The following HYDIN variants were observed in gnomAD, a reference collection of about 807,000 sequenced individuals.
HYDIN encodes HYDIN axonemal central pair apparatus protein.
A neutral mutation model predicts 403.9 loss-of-function variants in HYDIN; 132 were observed. That is an observed-to-expected ratio of 0.33 (90% CI 0.28 to 0.38). The LOEUF is 0.38. Ranked by LOEUF, HYDIN falls within the 10% of genes least tolerant of loss-of-function variation. The pLI is 1.00. For synonymous variants in HYDIN, 1,202 were observed against 1,891.7 expected, an observed-to-expected ratio of 0.64 and a Z score of 9.46; for missense variants, 2,827 against 5,009.5, an observed-to-expected ratio of 0.56 and a Z score of 13.15.
At position 71,186,800 on chromosome 16, in the gene HYDIN, CA is replaced by C; in HGVS notation, c.95del (p.Leu32ArgfsTer11). On this transcript the variant is annotated frameshift_variant, in exon 2 of 86. Transcript: ENST00000393567. LOFTEE classifies it high-confidence loss of function. ...KGFQSKVLPP[L>X]SPKVVTEEEV... is the part of the protein sequence containing the mutation. ...CTTCTTCTGTAACCACCTTTGGACT[CA>C]GGGGTGGCAAAACCTTGCTTTGAAA... The C allele has an allele frequency of 6.2e-7, 1 of 1,613,592 alleles. No individual in the cohort carries two copies. The highest frequency in any genetic ancestry group is 8.5e-7 in the Non-Finnish European group (1 of 1,179,674).
chr16:70,951,164 G>A (rs1393991031), intron 41 of HYDIN, among the ~76,000 whole-genome samples: 1 of 151,914 alleles, frequency 6.6e-6, no homozygotes, highest in East Asian at 1.9e-4. Flanking sequence ...AAGCCCGGGA[G>A]CTCAAGGCCG....
At chr16:71,051,841 G>C (rs909611207) in intron 18 of HYDIN, among the ~76,000 whole-genome samples, 2 of 152,158 alleles carry the variant, frequency 1.3e-5, no homozygotes, top group African/African-American at 4.8e-5. Context: ...TCTACGAACA[G>C]AATTAATGAA....
intron 23 of HYDIN, among the ~76,000 whole-genome samples, chr16:70,996,129 G>T (rs2079524766): frequency 6.6e-6 from 1 of 151,650 alleles, no homozygotes; most frequent in Admixed American, 6.6e-5. Context: ...ACACTCCAAA[G>T]CTCCCCACGG....
At chr16:71,167,971 A>C (rs1233752580) in intron 5 of HYDIN, among the ~76,000 whole-genome samples, 1 of 150,944 alleles carries the variant, frequency 6.6e-6, no homozygotes, top group East Asian at 2.0e-4. Flanking sequence ...AACTAGGTGC[A>C]TTTCTTTCTC....
intron 7 of HYDIN, among the ~76,000 whole-genome samples, chr16:71,152,262 T>G (rs1265983273): frequency 6.6e-6 from 1 of 152,024 alleles, no homozygotes; most frequent in Non-Finnish European, 1.5e-5. Flanking sequence ...GGATCTTAGC[T>G]TACTCGAATG....
At chr16:70,910,141 A>T (rs1464938964) in intron 47 of HYDIN, among the ~76,000 whole-genome samples, 2 of 151,906 alleles carry the variant, frequency 1.3e-5, no homozygotes, top group African/African-American at 4.8e-5. Context: ...TGATTACATG[A>T]GTAAGTTTTC....
At chr16:71,100,592 A>G (rs997401853) in intron 10 of HYDIN, among the ~76,000 whole-genome samples, 4 of 152,232 alleles carry the variant, frequency 2.6e-5, no homozygotes, top group East Asian at 1.9e-4. Context: ...AGATGCACAA[A>G]TACATGTGAA....
chr16:70,964,265 C>G lies in HYDIN; in HGVS notation c.5788+463G>C, dbSNP rs1263516566. ...TGCCCACCCCCTGCTTTTAGGGCAC[C>G]AGTTTCTACCTTGTGTGACACATTA... On this transcript the variant is annotated intron_variant, in intron 37 of 85. Transcript: ENST00000393567. 8.2e-4 allele frequency among the ~76,000 whole-genome samples: 122 copies of G among 149,654 alleles called. 1 individual carries two copies. In the East Asian group the frequency reaches 0.025, roughly 30 times the overall value.
At chr16:70,843,042 T>TATTG (rs2037939131) in intron 75 of HYDIN, among the ~76,000 whole-genome samples, 1 of 151,018 alleles carries the variant, frequency 6.6e-6, no homozygotes, top group Admixed American at 6.6e-5. Flanking sequence ...TTTATTTATT[T>TATTG]ATTCTTTTTT....
At chr16:70,942,974 A>C (rs2077728649) in intron 42 of HYDIN, among the ~76,000 whole-genome samples, 1 of 152,098 alleles carries the variant, frequency 6.6e-6, no homozygotes, top group Non-Finnish European at 1.5e-5. Flanking sequence ...TAGCAGTGCA[A>C]ATCTTAACAT....
rs1181123135 is a variant in HYDIN, at chr16:70,807,353, G to C, written c.*227C>G. 1 of 499,002 alleles carries C rather than the reference G, an allele frequency of 2.0e-6. No homozygotes were observed. Among genetic ancestry groups the C allele is most frequent in the East Asian group, 3.4e-5 (1 of 29,340 alleles). The allele number at this position is 499,002 out of a possible 1,614,324, so 30.9% of individuals were successfully genotyped here. On this transcript the variant is annotated 3_prime_UTR_variant, in exon 86 of 86. Transcript: ENST00000393567. ...AGAAACTCAATTTAGGGACTCACAA[G>C]GATTCAGTTGTCTAAAATATAGAGC...
chr16:71,043,092 G>A lies in HYDIN; in HGVS notation c.2530-11175C>T, dbSNP rs578097246. 2.6e-5 allele frequency among the ~76,000 whole-genome samples: 4 copies of A among 151,712 alleles called. No individual in the cohort carries two copies. The East Asian group carries it at 7.7e-4, about 29-fold the overall frequency. ...GGCTAGATGATGAATTTAAGATTAG[G>A]ATTTATTTTCCTTCAGAAAGTAATT... On this transcript the variant is annotated intron_variant, in intron 18 of 85. Coordinates refer to ENST00000393567, the MANE Select transcript of HYDIN (RefSeq NM_001270974.2).
intron 55 of HYDIN, 123 bp downstream of exon 55, chr16:70,894,326 C>T: frequency 1.5e-6 from 2 of 1,376,434 alleles, no homozygotes; most frequent in Admixed American, 2.4e-5. Context: ...CGCTATTCCC[C>T]ACGGTGGACT....
At chr16:71,196,261 T>A (rs767281321) in intron 1 of HYDIN, among the ~76,000 whole-genome samples, 2 of 152,218 alleles carry the variant, frequency 1.3e-5, no homozygotes, top group Non-Finnish European at 2.9e-5. Context: ...TCTATCTAGA[T>A]GTTTCTGGAA....
intron 13 of HYDIN, among the ~76,000 whole-genome samples, chr16:71,070,312 C>T (rs567760757): frequency 3.8e-4 from 57 of 149,016 alleles, no homozygotes; most frequent in African/African-American, 1.3e-3. Flanking sequence ...TTCCTTCCTT[C>T]CTTTCTTTCT....
In HYDIN at chr16:70,938,715, A is replaced by G; in HGVS notation, c.6894T>C (p.Arg2298=). 6.2e-7 allele frequency: 1 copy of G among 1,614,158 alleles called. No homozygotes were observed. Among genetic ancestry groups the G allele is most frequent in the Non-Finnish European group, 8.5e-7 (1 of 1,180,040 alleles). Reference sequence around the variant, plus strand: ...ATTCTTCCTCATCCATGTTTTGGAGACGCTCCTTCTCTTTCTCAAGAGCTC... The same window carrying G: ...ATTCTTCCTCATCCATGTTTTGGAGGCGCTCCTTCTCTTTCTCAAGAGCTC... The part of the protein sequence containing the change: ...HKGALEKEKE[R]LQNMDEEEYD... The change falls in exon 44 of 86, where the codon CGT becomes CGC. Residue 2298 remains arginine, a synonymous_variant. Transcript: ENST00000393567.
intron 3 of HYDIN, among the ~76,000 whole-genome samples, chr16:71,182,346 G>C (rs1254628318): frequency 6.6e-6 from 1 of 152,106 alleles, no homozygotes; most frequent in Non-Finnish European, 1.5e-5. Flanking sequence ...GGGGCAGGGG[G>C]AGAACGAGAT....
chr16:70,872,608 A>G (rs1237938848), intron 64 of HYDIN, among the ~76,000 whole-genome samples: 1 of 132,840 alleles, frequency 7.5e-6, no homozygotes, highest in Non-Finnish European at 1.6e-5. Flanking sequence ...TCCAGCCATC[A>G]TCCACCCACC....
chr16:71,206,334 A>C (rs1315955143), intron 1 of HYDIN, among the ~76,000 whole-genome samples: 1 of 152,212 alleles, frequency 6.6e-6, no homozygotes, highest in Non-Finnish European at 1.5e-5. Flanking sequence ...CTCCTCTAAG[A>C]CCCAGAAGAC....
Sources: gnomAD v4.1 joint callset for allele counts (sites outside exome capture counted in the v4.1 genomes callset) on GRCh38, gnomAD v4.1.1 for gene constraint, MANE v1.5 for transcripts, NCBI Gene and HGNC (gene_info 2026-07-23, HGNC 2026-07-21) for gene names.